CALN1: variants seen among roughly 807,000 people sequenced by gnomAD.
The protein encoded by CALN1 is calneuron 1.
A neutral mutation model predicts 30.6 loss-of-function variants in CALN1; 17 were observed. The observed-to-expected ratio is 0.56, with a 90% CI of 0.38 to 0.83. The LOEUF is 0.83. Ranked by LOEUF, CALN1 falls within the 40% of genes least tolerant of loss-of-function variation. The pLI is 0.00. For synonymous variants in CALN1, 156 were observed against 131.4 expected, an observed-to-expected ratio of 1.19 and a Z score of -1.28; for missense variants, 291 against 354.9, an observed-to-expected ratio of 0.82 and a Z score of 1.45.
intron 1 of CALN1, among the ~76,000 whole-genome samples, chr7:72,411,810 G>A (rs766934341): frequency 7.5e-5 from 11 of 146,556 alleles, no homozygotes; most frequent in Admixed American, 3.3e-4. Flanking sequence ...AAAGTAATAA[G>A]AAAAGAACCA....
At chr7:72,214,256 G>C (rs148066884) in intron 3 of CALN1, among the ~76,000 whole-genome samples, 1,547 of 152,302 alleles carry the variant, frequency 0.01, 14 homozygotes, top group Middle Eastern at 0.024. Flanking sequence ...TAGGCAGACG[G>C]ATTGCCTGAG....
chr7:71,963,567 A>G (rs2129525396), intron 5 of CALN1, among the ~76,000 whole-genome samples: 1 of 152,272 alleles, frequency 6.6e-6, no homozygotes, highest in South Asian at 2.1e-4. Context: ...GGCCTCCCAA[A>G]GTGCTGGGAT....
chr7:72,227,370 T>C (rs1793761429), intron 3 of CALN1, among the ~76,000 whole-genome samples: 1 of 151,876 alleles, frequency 6.6e-6, no homozygotes, highest in Admixed American at 6.6e-5. Flanking sequence ...CAAAACCCTG[T>C]CTCTATTAAA....
intron 4 of CALN1, among the ~76,000 whole-genome samples, chr7:72,102,220 G>A (rs1397982740): frequency 2.0e-5 from 3 of 152,024 alleles, no homozygotes; most frequent in African/African-American, 4.8e-5. Context: ...TGAGGCAGGC[G>A]GATCACTTGA....
chr7:72,185,044 A>T (rs1296004789), intron 3 of CALN1, among the ~76,000 whole-genome samples: 4 of 152,008 alleles, frequency 2.6e-5, no homozygotes. Flanking sequence ...GGCTCAAGCG[A>T]TCATCCCACC....
chr7:71,957,455 G>A (rs1484546098), intron 5 of CALN1, among the ~76,000 whole-genome samples: 1 of 152,024 alleles, frequency 6.6e-6, no homozygotes, highest in Non-Finnish European at 1.5e-5. Context: ...ATTTCACTCT[G>A]CAAAAAATCA....
intron 3 of CALN1, among the ~76,000 whole-genome samples, chr7:72,254,285 A>G (rs1223118956): frequency 6.6e-6 from 1 of 152,190 alleles, no homozygotes; most frequent in Non-Finnish European, 1.5e-5. Flanking sequence ...TTCTCTACAG[A>G]TGCCCTGGTT....
At chr7:72,364,699 ATAGT>A (rs1188411104) in intron 2 of CALN1, among the ~76,000 whole-genome samples, 1 of 152,246 alleles carries the variant, frequency 6.6e-6, no homozygotes, top group Non-Finnish European at 1.5e-5. Context: ...AACAACAGTG[ATAGT>A]TAAGTGAGGT....
chr7:71,822,784 GTTTAA>G lies in CALN1; in HGVS notation c.502-12297_502-12293del, dbSNP rs529502160. 3.0e-4 allele frequency among the ~76,000 whole-genome samples: 45 copies of G among 152,202 alleles called. No individual in the cohort carries two copies. The South Asian group carries it at 6.8e-3, about 23-fold the overall frequency. ...GCCTCATGCTTTTCAGTCTTTGTAAGTTTAATTTGAGATTTATGATGACACATTTT... is the reference window on the plus strand; with the variant it reads ...GCCTCATGCTTTTCAGTCTTTGTAAGTTTGAGATTTATGATGACACATTTT... On this transcript the variant is annotated intron_variant, in intron 5 of 6. Transcript: ENST00000395275.
At chr7:72,101,118 C>G (rs1223429398) in intron 4 of CALN1, among the ~76,000 whole-genome samples, 1 of 151,912 alleles carries the variant, frequency 6.6e-6, no homozygotes, top group South Asian at 2.1e-4. Context: ...CACATGGTAC[C>G]ATGCCTGGCT....
At chr7:72,085,919 T>C (rs1805455078) in intron 4 of CALN1, among the ~76,000 whole-genome samples, 1 of 152,142 alleles carries the variant, frequency 6.6e-6, no homozygotes, top group Non-Finnish European at 1.5e-5. Context: ...AAAATTGACC[T>C]AACACCACTA....
At chr7:71,799,190 T>C (rs1787152668) in intron 6 of CALN1, among the ~76,000 whole-genome samples, 1 of 152,196 alleles carries the variant, frequency 6.6e-6, no homozygotes, top group Admixed American at 6.5e-5. Context: ...GTACTGAATA[T>C]TGTCATGGAT....
At chr7:72,326,591 C>T (rs1001827103) in intron 2 of CALN1, among the ~76,000 whole-genome samples, 1 of 152,196 alleles carries the variant, frequency 6.6e-6, no homozygotes, top group Admixed American at 6.5e-5. Flanking sequence ...GTGTTCAGTA[C>T]AGATGTTTGA....
At chr7:72,137,888 T>TGAGA (rs957357775) in intron 3 of CALN1, among the ~76,000 whole-genome samples, 1 of 151,934 alleles carries the variant, frequency 6.6e-6, no homozygotes, top group Non-Finnish European at 1.5e-5. Context: ...CATATCTATT[T>TGAGA]GAGAGAGAGA....
chr7:72,258,199 A>G (rs1479770060), intron 3 of CALN1, among the ~76,000 whole-genome samples: 4 of 152,194 alleles, frequency 2.6e-5, no homozygotes, highest in Admixed American at 1.3e-4. Context: ...TGATTTCACA[A>G]TCCCTGGAAT....
At chr7:72,438,999 T>A (rs1341923031) in intron 1 of CALN1, among the ~76,000 whole-genome samples, 1 of 152,194 alleles carries the variant, frequency 6.6e-6, no homozygotes, top group Non-Finnish European at 1.5e-5. Flanking sequence ...TTAGGGGTGC[T>A]GCTCCCCCTA....
intron 5 of CALN1, among the ~76,000 whole-genome samples, chr7:71,987,989 T>C (rs998815965): frequency 6.6e-6 from 1 of 152,104 alleles, no homozygotes; most frequent in Non-Finnish European, 1.5e-5. Context: ...GGAGGCCGTG[T>C]CAGTCAGGCA....
intron 2 of CALN1, among the ~76,000 whole-genome samples, chr7:72,317,066 AAGAG>A (rs200641712): frequency 3.0e-5 from 4 of 133,310 alleles, no homozygotes; most frequent in African/African-American, 9.7e-5. Flanking sequence ...GAGAGAGAGA[AAGAG>A]AGACACAGAA....
At chr7:72,052,354 G>A (rs1802887864) in intron 4 of CALN1, among the ~76,000 whole-genome samples, 2 of 152,142 alleles carry the variant, frequency 1.3e-5, no homozygotes, top group African/African-American at 4.8e-5. Flanking sequence ...GTCTCTGGAG[G>A]GAAGGTAGAG....
Sources: gnomAD v4.1 joint callset for allele counts (sites outside exome capture counted in the v4.1 genomes callset) on GRCh38, gnomAD v4.1.1 for gene constraint, MANE v1.5 for transcripts, NCBI Gene and HGNC (gene_info 2026-07-23, HGNC 2026-07-21) for gene names.